The following TRIM66 variants were observed in gnomAD, a reference collection of about 807,000 sequenced individuals.
TRIM66 encodes tripartite motif containing 66, also known as tripartite motif-containing protein 66.
In TRIM66, 99 loss-of-function variants were observed where a neutral mutation model predicts 148.2. The observed-to-expected ratio is 0.67, with a 90% CI of 0.57 to 0.79. The LOEUF (loss-of-function observed/expected upper bound fraction) is 0.79. Ranked by LOEUF, TRIM66 falls within the 30% of genes least tolerant of loss-of-function variation. The pLI is 0.00. For synonymous variants in TRIM66, 616 were observed against 635.9 expected (o/e 0.97, Z 0.47); for missense variants, 1,666 against 1,697.9 (o/e 0.98, Z 0.33).
intron 15 of TRIM66, among the ~76,000 whole-genome samples, chr11:8,636,893 A>G (rs2035926587): frequency 1.3e-5 from 2 of 152,120 alleles, no homozygotes; most frequent in Admixed American, 1.3e-4. Context: ...GTTTCAATCC[A>G]TCCCATTCCC....
rs552212501 is a variant in TRIM66, at chr11:8,616,918, T to G, written c.*1026A>C. ...TCTTTGGCTCATGAACTTGGAGAGG[T>G]TGAGAACTAGAATCTTTAAGCAGGA... On this transcript the variant is annotated 3_prime_UTR_variant, in exon 25 of 25. Coordinates refer to ENST00000646038, the MANE Select transcript of TRIM66 (RefSeq NM_001388022.1). 6 of 151,834 alleles carry G rather than the reference T, an allele frequency of 4.0e-5. No individual in the cohort carries two copies. Among genetic ancestry groups the G allele is most frequent in the African/African-American group, 1.5e-4 (6 of 41,338 alleles). The allele number at this position is 151,834 out of a possible 1,614,324, so 9.4% of individuals were successfully genotyped here.
At chr11:8,651,708 T>C in intron 7 of TRIM66, 92 bp downstream of exon 7, 3 of 994,008 alleles carry the variant, frequency 3.0e-6, no homozygotes, top group Non-Finnish European at 4.7e-6. Context: ...ACAAATCAGA[T>C]GATAGAGTGA....
At chr11:8,668,594 T>A (rs79953701) in intron 6 of TRIM66, among the ~76,000 whole-genome samples, 6,438 of 144,706 alleles carry the variant, frequency 0.044, 438 homozygotes, top group African/African-American at 0.15. Context: ...TTATTTATTT[T>A]TTTTTTTTTG....
intron 6 of TRIM66, among the ~76,000 whole-genome samples, chr11:8,656,094 C>T (rs1190860292): frequency 6.6e-6 from 1 of 152,194 alleles, no homozygotes; most frequent in Non-Finnish European, 1.5e-5. Flanking sequence ...TTCTTCTCTT[C>T]CCTCACAAAG....
rs115689547 is a variant in TRIM66 at position 8,623,917 on chromosome 11, C to A, written c.3019+442G>T. Among the ~76,000 whole-genome samples the A allele has an allele frequency of 7.8e-3, 1,192 of 152,268 alleles. 20 individuals are homozygous for A. The highest frequency in any genetic ancestry group is 0.027 in the African/African-American group (1,124 of 41,526). On this transcript the variant is annotated intron_variant, in intron 17 of 24. Coordinates refer to ENST00000646038, the MANE Select transcript of TRIM66 (RefSeq NM_001388022.1). ...CCTAAGAAGTAGGTGCGATTGGCCC[C>A]ATTTAGAGAGAAAGAAATCAGTTGA...
intron 6 of TRIM66, among the ~76,000 whole-genome samples, chr11:8,662,437 T>C (rs866933713): frequency 6.6e-6 from 1 of 152,226 alleles, no homozygotes; most frequent in Non-Finnish European, 1.5e-5. Context: ...GGGACCGTGA[T>C]TGCTCCTCCT....
intron 13 of TRIM66, among the ~76,000 whole-genome samples, chr11:8,641,810 C>A (rs1052775136): frequency 1.4e-4 from 21 of 152,038 alleles, no homozygotes; most frequent in African/African-American, 4.8e-4. Context: ...ATAGAGGTCT[C>A]GTGAGACCTG....
chr11:8,619,327 AT>A, intron 23 of TRIM66, 55 bp downstream of exon 23: 2 of 986,388 alleles, frequency 2.0e-6, no homozygotes, highest in Non-Finnish European at 2.8e-6. Flanking sequence ...CTACCCACCC[AT>A]GACAGTCCTG....
chr11:8,643,242 GTCATCC>G, intron 12 of TRIM66, 116 bp from the exon 13 acceptor site: 1 of 748,620 alleles, frequency 1.3e-6, no homozygotes, highest in Non-Finnish European at 2.1e-6. Context: ...TTAACCTCTG[GTCATCC>G]TCCATATTCT....
At chr11:8,677,477 T>G (rs533646293) in intron 3 of TRIM66, among the ~76,000 whole-genome samples, 7 of 152,212 alleles carry the variant, frequency 4.6e-5, no homozygotes, top group African/African-American at 1.7e-4. Context: ...TATAATTCAG[T>G]GAGTAAAAAC....
At position 8,645,882 on chromosome 11, in the gene TRIM66, A is replaced by T. The variant is rs1203301601; in HGVS notation, c.963T>A (p.Ile321=). Residue 321 remains isoleucine, a synonymous_variant, in exon 12 of 25, where the codon ATT becomes ATA. Coordinates refer to ENST00000646038, the MANE Select transcript of TRIM66 (RefSeq NM_001388022.1). ...ANGLIEELEG[I]TNERKRKLEQ... ...CCAGCTTCCGCTTTCTCTCATTAGTAATCCCCTGGGTACAGAGAGAAGACA... is the reference window on the plus strand; with the variant it reads ...CCAGCTTCCGCTTTCTCTCATTAGTTATCCCCTGGGTACAGAGAGAAGACA... 1.9e-6 allele frequency: 3 copies of T among 1,551,494 alleles called. No individual in the cohort carries two copies. In the Admixed American group the frequency reaches 5.9e-5, roughly 30 times the overall value.
At position 8,621,759 on chromosome 11, in the gene TRIM66, A is replaced by G; in HGVS notation, c.3141T>C (p.Ala1047=). 6.4e-7 allele frequency: 1 copy of G among 1,551,560 alleles called. No individual in the cohort carries two copies. Among genetic ancestry groups the G allele is most frequent in the Non-Finnish European group, 8.7e-7 (1 of 1,146,942 alleles). The change falls in exon 19 of 25, where the codon GCT becomes GCC. Residue 1047 remains alanine (A), a synonymous_variant. Transcript: ENST00000646038. ...ACACAGGCATCTCTCCTGAGGAGGC[A>G]GCACAGATCTTGAGTCGCTCCAGTC... ...YVRLERLKIC[A]ASSGEMPVFK...
At chr11:8,682,578 G>A (rs1003393023) in intron 1 of TRIM66, 23 bp downstream of exon 1, 14 of 591,066 alleles carry the variant, frequency 2.4e-5, no homozygotes, top group Non-Finnish European at 3.9e-5. Flanking sequence ...CTCGCCCTCC[G>A]AGCCTAGCAC....
intron 6 of TRIM66, among the ~76,000 whole-genome samples, chr11:8,661,192 T>G (rs1220263754): frequency 6.6e-6 from 1 of 152,184 alleles, no homozygotes; most frequent in Admixed American, 6.5e-5. Context: ...ATCCAGGGCC[T>G]GTGAGGAAGA....
chr11:8,625,257 C>A, intron 15 of TRIM66, 29 bp from the exon 16 acceptor site: 3 of 1,466,232 alleles, frequency 2.0e-6, no homozygotes, highest in South Asian at 2.8e-5. Context: ...GGGGTAGAGT[C>A]AGGCTGCTAG....
chr11:8,658,410 T>C (rs533993025), intron 6 of TRIM66, among the ~76,000 whole-genome samples: 1 of 152,298 alleles, frequency 6.6e-6, no homozygotes, highest in South Asian at 2.1e-4. Flanking sequence ...CTCAGCCTTT[T>C]AGGACTCCAT....
rs539623540 is a variant in TRIM66 at position 8,612,734 on chromosome 11, C to T, written c.*5210G>A. Reference sequence around the variant, plus strand: ...CCGCGCTCCCTAGTCTCCCTCCATCCGAATGTTATCAGCAGCAGGCACCCA... The same window carrying T: ...CCGCGCTCCCTAGTCTCCCTCCATCTGAATGTTATCAGCAGCAGGCACCCA... On this transcript the variant is annotated 3_prime_UTR_variant, in exon 25 of 25. Coordinates refer to ENST00000646038, the MANE Select transcript of TRIM66 (RefSeq NM_001388022.1). 2 of 152,336 alleles carry T rather than the reference C, an allele frequency of 1.3e-5. No homozygotes were observed. Among genetic ancestry groups the T allele is most frequent in the South Asian group, 4.1e-4 (2 of 4,820 alleles). 9.4% of individuals were successfully genotyped at this position (152,336 alleles called of 1,614,324 possible).
intron 12 of TRIM66, among the ~76,000 whole-genome samples, chr11:8,644,910 A>T (rs2036715652): frequency 6.6e-6 from 1 of 152,150 alleles, no homozygotes; most frequent in Non-Finnish European, 1.5e-5. Context: ...AGCATTGTCA[A>T]ATGGACCACT....
intron 6 of TRIM66, 143 bp from the exon 7 acceptor site, chr11:8,652,046 C>A (rs1052205417): frequency 3.1e-6 from 2 of 654,054 alleles, no homozygotes; most frequent in Non-Finnish European, 5.2e-6. Flanking sequence ...GATGCCATAG[C>A]CTGCATTTAG....
Sources: gnomAD v4.1 joint callset for allele counts (sites outside exome capture counted in the v4.1 genomes callset) on GRCh38, gnomAD v4.1.1 for gene constraint, MANE v1.5 for transcripts, NCBI Gene and HGNC (gene_info 2026-07-23, HGNC 2026-07-21) for gene names.